SCCPDH: variants seen among roughly 807,000 people sequenced by gnomAD.
SCCPDH encodes the protein saccharopine dehydrogenase-like oxidoreductase.
A neutral mutation model predicts 51.5 loss-of-function variants in SCCPDH; 34 were observed. The ratio of observed to expected loss-of-function variants is 0.66; its 90% CI spans 0.50 to 0.88. The LOEUF (loss-of-function observed/expected upper bound fraction) is 0.88, where lower values mean the gene tolerates loss of function less well. Ranked by LOEUF, SCCPDH falls within the 40% of genes least tolerant of loss-of-function variation. SCCPDH has a pLI of 0.00. For synonymous variants in SCCPDH, 187 were observed against 191.3 expected (o/e 0.98, Z 0.19); for missense variants, 464 against 527.1 (o/e 0.88, Z 1.17).
chr1:246,754,100 A>G (rs1437900155), intron 5 of SCCPDH, among the ~76,000 whole-genome samples: 2 of 151,476 alleles, frequency 1.3e-5, no homozygotes, highest in African/African-American at 4.9e-5. Context: ...CTTTAGCCCC[A>G]CCTGCTGGAG....
chr1:246,748,785 T>G (rs1668808167), intron 5 of SCCPDH, among the ~76,000 whole-genome samples: 2 of 152,172 alleles, frequency 1.3e-5, no homozygotes, highest in Non-Finnish European at 2.9e-5. Context: ...TTCTTTTTTA[T>G]CATGTTGACA....
At chr1:246,751,924 C>A (rs978726703) in intron 5 of SCCPDH, among the ~76,000 whole-genome samples, 8 of 147,956 alleles carry the variant, frequency 5.4e-5, no homozygotes, top group African/African-American at 2.0e-4. Flanking sequence ...AGGCTCCCGC[C>A]ACCACGCCCG....
intron 5 of SCCPDH, among the ~76,000 whole-genome samples, chr1:246,751,344 G>A (rs558157256): frequency 2.9e-4 from 44 of 152,236 alleles, no homozygotes; most frequent in African/African-American, 9.9e-4. Context: ...AAAACCTGTT[G>A]TGCTTTTATT....
intron 6 of SCCPDH, among the ~76,000 whole-genome samples, chr1:246,758,732 ATTTAT>A (rs991974256): frequency 1.3e-5 from 2 of 152,266 alleles, no homozygotes; most frequent in South Asian, 2.1e-4. Context: ...TTTTTTAAAA[ATTTAT>A]TTTAGTTTAG....
intron 4 of SCCPDH, among the ~76,000 whole-genome samples, chr1:246,742,209 A>G (rs1408427209): frequency 6.6e-6 from 1 of 152,260 alleles, no homozygotes; most frequent in East Asian, 1.9e-4. Context: ...CAGTGTTCCA[A>G]TCCTTAGACC....
At chr1:246,751,467 G>T (rs1005510636) in intron 5 of SCCPDH, among the ~76,000 whole-genome samples, 2 of 152,118 alleles carry the variant, frequency 1.3e-5, no homozygotes, top group African/African-American at 4.8e-5. Context: ...ACCTTTTAAT[G>T]TAGGTAAAAA....
In SCCPDH at chr1:246,726,969, A is replaced by T. The variant is rs768906304; in HGVS notation, c.268A>T (p.Lys90Ter). Residue 90 changes from lysine (K) to a stop codon, truncating the protein, a stop_gained, in exon 2 of 12, where the codon AAA (lysine) becomes TAA (stop). Coordinates refer to ENST00000366510, the MANE Select transcript of SCCPDH (RefSeq NM_016002.3). LOFTEE classifies it high-confidence loss of function. The stretch of plus-strand genomic sequence containing the variant: ...TCCAGCCTCGCTTGATGAAATGGCT[A>T]AACAGGCAACAGTTGTCCTCAATTG... ...ANPASLDEMA[K>*]QATVVLNCVG... The T allele has an allele frequency of 6.2e-7, 1 of 1,614,046 alleles. No individual in the cohort carries two copies.
intron 3 of SCCPDH, among the ~76,000 whole-genome samples, chr1:246,738,568 A>T (rs1668632543): frequency 6.6e-6 from 1 of 151,692 alleles, no homozygotes; most frequent in Non-Finnish European, 1.5e-5. Context: ...AGAAATAAAG[A>T]CAATTTATTT....
At chr1:246,743,455 C>T (rs535705516) in intron 4 of SCCPDH, among the ~76,000 whole-genome samples, 14 of 152,000 alleles carry the variant, frequency 9.2e-5, no homozygotes, top group South Asian at 6.3e-4. Flanking sequence ...TGGTGGTACG[C>T]GCCTGTAATC....
Position 246,759,072 on chromosome 1 carries a change from C to T in SCCPDH, c.734C>T (p.Ser245Phe), listed in dbSNP as rs772467376. ...TATTGTCGGGAACTCAAAGGTTATT[C>T]CATTCCTTTTATGGGATCTGATGTG... The part of the protein sequence containing the change: ...ISYCRELKGY[S>F]IPFMGSDVSV... The change falls in exon 7 of 12, where the codon TCC becomes TTC. Residue 245 changes from serine (S) to phenylalanine (F), a missense_variant. Physicochemically the swap from Ser to Phe is radical, Grantham distance 155. Coordinates refer to ENST00000366510, the MANE Select transcript of SCCPDH (RefSeq NM_016002.3). The T allele has an allele frequency of 1.2e-6, 2 of 1,611,564 alleles. No homozygotes were observed. The highest frequency in any genetic ancestry group is 3.3e-5 in the Admixed American group (2 of 59,984).
intron 5 of SCCPDH, chr1:246,755,618 A>T (rs902146130): frequency 1.3e-5 from 2 of 152,712 alleles, no homozygotes; most frequent in East Asian, 3.8e-4. Context: ...CCGTGGGCAC[A>T]CGTTACCTTT....
rs186647170 is a variant in SCCPDH at position 246,739,035 on chromosome 1, A to C, written c.385-1137A>C. On this transcript the variant is annotated intron_variant, in intron 3 of 11. Coordinates refer to ENST00000366510, the MANE Select transcript of SCCPDH (RefSeq NM_016002.3). ...TGTGACTTAATGTGTTTGTGTGTGC[A>C]TGAGCAAGTGTGTGTGTGTGATTGT... is the stretch of plus-strand genomic sequence containing the variant. Among the ~76,000 whole-genome samples, 16 of 152,060 alleles carry C rather than the reference A, an allele frequency of 1.1e-4. No individual in the cohort carries two copies. In the East Asian group the frequency reaches 3.1e-3, roughly 29 times the overall value.
chr1:246,736,125 A>G (rs1668586083), intron 3 of SCCPDH, 70 bp downstream of exon 3: 1 of 1,027,728 alleles, frequency 9.7e-7, no homozygotes, highest in African/African-American at 1.6e-5. Flanking sequence ...GGAAATATTT[A>G]GTGTAATTTT....
intron 9 of SCCPDH, among the ~76,000 whole-genome samples, chr1:246,761,020 G>T (rs1222575952): frequency 6.6e-6 from 1 of 152,032 alleles, no homozygotes; most frequent in Non-Finnish European, 1.5e-5. Context: ...CCTACTCTCA[G>T]ACCTATCATC....
intron 9 of SCCPDH, among the ~76,000 whole-genome samples, chr1:246,763,087 G>T (rs10802442): frequency 0.32 from 49,325 of 151,926 alleles, 9,415 homozygotes; most frequent in South Asian, 0.46. Flanking sequence ...TGCTGCCAGG[G>T]TTGAGAATCA....
intron 5 of SCCPDH, among the ~76,000 whole-genome samples, chr1:246,752,250 G>A (rs1313449019): frequency 1.3e-5 from 2 of 152,030 alleles, no homozygotes; most frequent in Non-Finnish European, 2.9e-5. Flanking sequence ...TGTAAGTTTG[G>A]GATTTTAATT....
chr1:246,755,824 T>A (rs1330529827), intron 5 of SCCPDH: 1 of 152,684 alleles, frequency 6.5e-6, no homozygotes, highest in Non-Finnish European at 1.5e-5. Flanking sequence ...ACCACAGCTT[T>A]CCAGGCATAC....
intron 2 of SCCPDH, among the ~76,000 whole-genome samples, chr1:246,733,292 G>T (rs1482028346): frequency 6.6e-6 from 1 of 151,876 alleles, no homozygotes; most frequent in Non-Finnish European, 1.5e-5. Context: ...TTGCCCTGTT[G>T]CCCAGGCTGG....
intron 9 of SCCPDH, among the ~76,000 whole-genome samples, chr1:246,761,784 A>G (rs543908093): frequency 3.3e-5 from 5 of 150,536 alleles, no homozygotes; most frequent in Admixed American, 3.3e-4. Flanking sequence ...TTGTGTATCC[A>G]TTCATTCATC....
Sources: allele counts gnomAD v4.1 joint callset (sites outside exome capture counted in the v4.1 genomes callset), GRCh38; gene constraint gnomAD v4.1.1; transcripts MANE v1.5; gene names NCBI Gene and HGNC (gene_info 2026-07-23, HGNC 2026-07-21).